Variants in NOL4 observed in about 807,000 individuals in gnomAD.
NOL4 encodes the protein nucleolar protein 4.
A neutral mutation model predicts 75.9 loss-of-function variants in NOL4; 17 were observed. The observed-to-expected ratio is 0.22, with a 90% confidence interval of 0.15 to 0.34. The LOEUF (loss-of-function observed/expected upper bound fraction) is 0.34, where lower values mean the gene tolerates loss of function less well. NOL4 is among the 10% of genes least tolerant of loss of function. NOL4 has a pLI of 1.00. For synonymous variants in NOL4, 292 were observed against 289.9 expected, an observed-to-expected ratio of 1.01 and a Z score of -0.07; for missense variants, 614 against 793.5, an observed-to-expected ratio of 0.77 and a Z score of 2.72.
chr18:34,002,586 A>C, intron 6 of NOL4, among the ~76,000 whole-genome samples: 1 of 152,046 alleles, frequency 6.6e-6, no homozygotes, highest in Admixed American at 6.6e-5. Flanking sequence ...TCTGAGAAAA[A>C]GGAACCACCT....
intron 9 of NOL4, among the ~76,000 whole-genome samples, chr18:33,884,393 T>A (rs547582516): frequency 1.3e-5 from 2 of 152,196 alleles, no homozygotes; most frequent in Non-Finnish European, 2.9e-5. Flanking sequence ...ACCTTTCAGT[T>A]TTTTATTTGT....
chr18:34,198,968 T>C (rs982015541), intron 1 of NOL4, among the ~76,000 whole-genome samples: 1 of 151,818 alleles, frequency 6.6e-6, no homozygotes, highest in African/African-American at 2.4e-5. Flanking sequence ...CTTCTGTCAG[T>C]CACCCTCAGA....
chr18:33,897,781 T>C (rs978167265), intron 9 of NOL4, among the ~76,000 whole-genome samples: 7 of 152,098 alleles, frequency 4.6e-5, no homozygotes, highest in African/African-American at 1.7e-4. Context: ...AATAATTTCT[T>C]CTAATAATAT....
intron 6 of NOL4, among the ~76,000 whole-genome samples, chr18:34,004,797 A>T (rs569782943): frequency 6.6e-6 from 1 of 152,168 alleles, no homozygotes; most frequent in South Asian, 2.1e-4. Flanking sequence ...GACCACCTCA[A>T]ACTGACATCC....
chr18:33,882,106 A>G (rs894294373), intron 10 of NOL4, among the ~76,000 whole-genome samples: 1 of 152,206 alleles, frequency 6.6e-6, no homozygotes, highest in Non-Finnish European at 1.5e-5. Context: ...AAAACCCTAG[A>G]AGAAAACCTA....
chr18:34,172,359 T>C (rs982264115), intron 1 of NOL4, among the ~76,000 whole-genome samples: 3 of 152,098 alleles, frequency 2.0e-5, no homozygotes, highest in Admixed American at 1.3e-4. Flanking sequence ...AATTGTATTA[T>C]TTTTTATTCC....
chr18:34,026,793 G>T (rs532959062), intron 5 of NOL4, among the ~76,000 whole-genome samples: 1 of 152,096 alleles, frequency 6.6e-6, no homozygotes, highest in Non-Finnish European at 1.5e-5. Context: ...ATTACCGTCA[G>T]TAACAGTGGT....
At chr18:34,157,115 A>G (rs973046826) in intron 1 of NOL4, 4 of 152,064 alleles carry the variant, frequency 2.6e-5, no homozygotes, top group African/African-American at 9.7e-5. Flanking sequence ...ACTTTTTTGG[A>G]CCATCCTGTG....
chr18:33,883,712 A>G (rs2064455135), intron 9 of NOL4, among the ~76,000 whole-genome samples: 1 of 152,140 alleles, frequency 6.6e-6, no homozygotes. Context: ...AAGAAGCCTA[A>G]ACATCTCTTG....
chr18:34,014,131 A>G (rs1180189950), intron 6 of NOL4, among the ~76,000 whole-genome samples: 2 of 151,994 alleles, frequency 1.3e-5, no homozygotes, highest in Non-Finnish European at 2.9e-5. Flanking sequence ...TCATATTTAA[A>G]TGAAATTAAA....
chr18:34,213,885 C>T (rs1379041132), intron 1 of NOL4, among the ~76,000 whole-genome samples: 1 of 152,106 alleles, frequency 6.6e-6, no homozygotes, highest in East Asian at 1.9e-4. Flanking sequence ...TGCATTCAAG[C>T]ATGAACCTAA....
At chr18:34,115,479 G>A (rs1191055423) in intron 2 of NOL4, among the ~76,000 whole-genome samples, 1 of 91,766 alleles carries the variant, frequency 1.1e-5, no homozygotes, top group South Asian at 3.2e-4. Context: ...TTAAATTTTT[G>A]CCCACCCCCC....
At chr18:34,123,438 G>A (rs1348184345) in intron 2 of NOL4, among the ~76,000 whole-genome samples, 1 of 150,342 alleles carries the variant, frequency 6.7e-6, no homozygotes, top group Non-Finnish European at 1.5e-5. Context: ...GATATGGGGT[G>A]TGTGTGTATG....
At chr18:34,185,788 C>A (rs557164871) in intron 1 of NOL4, among the ~76,000 whole-genome samples, 78 of 152,246 alleles carry the variant, frequency 5.1e-4, no homozygotes, top group African/African-American at 1.8e-3. Flanking sequence ...CATTATCAAT[C>A]TACCCAAATC....
At chr18:34,127,579 T>C (rs1474170286) in intron 2 of NOL4, among the ~76,000 whole-genome samples, 1 of 151,966 alleles carries the variant, frequency 6.6e-6, no homozygotes, top group Non-Finnish European at 1.5e-5. Context: ...AATTAAAGTC[T>C]GGCCCAACAG....
chr18:34,203,608 A>G (rs1038280492), intron 1 of NOL4, among the ~76,000 whole-genome samples: 1 of 151,762 alleles, frequency 6.6e-6, no homozygotes, highest in African/African-American at 2.4e-5. Context: ...ATCTACAATT[A>G]TTTCAATAAA....
At chr18:34,216,570 A>G (rs1289038909) in intron 1 of NOL4, among the ~76,000 whole-genome samples, 1 of 150,910 alleles carries the variant, frequency 6.6e-6, no homozygotes, top group Non-Finnish European at 1.5e-5. Context: ...ATAATTTAAC[A>G]TTAATATCAA....
intron 6 of NOL4, among the ~76,000 whole-genome samples, chr18:34,005,032 TG>T: frequency 6.6e-6 from 1 of 152,268 alleles, no homozygotes; most frequent in South Asian, 2.1e-4. Flanking sequence ...AAGTAAATGT[TG>T]AGATACCGTG....
intron 5 of NOL4, among the ~76,000 whole-genome samples, chr18:34,044,894 C>A (rs1042349664): frequency 9.2e-5 from 14 of 152,088 alleles, no homozygotes; most frequent in South Asian, 4.1e-4. Flanking sequence ...CAGTCATGGG[C>A]CAAGACTATA....
Sources: gnomAD v4.1 joint callset for allele counts (sites outside exome capture counted in the v4.1 genomes callset) on GRCh38, gnomAD v4.1.1 for gene constraint, MANE v1.5 for transcripts, NCBI Gene and HGNC (gene_info 2026-07-23, HGNC 2026-07-21) for gene names.